Variants in NCOR2 observed in about 807,000 individuals in gnomAD.
NCOR2 encodes nuclear receptor corepressor 2, also known as CTG repeat protein 26.
NCOR2 carries 81 observed loss-of-function variants against 262.9 expected under a neutral mutation model. The ratio of observed to expected loss-of-function variants is 0.31; its 90% CI spans 0.26 to 0.37. The LOEUF (loss-of-function observed/expected upper bound fraction) is 0.37. NCOR2 is among the 10% of genes least tolerant of loss of function. NCOR2 has a pLI of 1.00. For missense variants in NCOR2, 3,385 were observed against 3,621.4 expected, an observed-to-expected ratio of 0.93 and a Z score of 1.68; for synonymous variants, 1,659 against 1,559.3, an observed-to-expected ratio of 1.06 and a Z score of -1.51.
At chr12:124,558,296 C>T (rs1052074952) in intron 1 of NCOR2, among the ~76,000 whole-genome samples, 2 of 147,242 alleles carry the variant, frequency 1.4e-5, no homozygotes, top group African/African-American at 4.9e-5. Context: ...CCAAGGTCTC[C>T]CCAGCCCCAC....
In NCOR2 at chr12:124,478,073, G is replaced by T. The variant is rs544037554; in HGVS notation, c.412-4942C>A. ...CATGGTGAGGAGGAAAAGCAGTTTGGGGCTAGAAATGCGGAGAGGAGGAGG... is the reference window on the plus strand; with the variant it reads ...CATGGTGAGGAGGAAAAGCAGTTTGTGGCTAGAAATGCGGAGAGGAGGAGG... On this transcript the variant is annotated intron_variant, in intron 3 of 46. Transcript: ENST00000405201. 2.0e-5 allele frequency among the ~76,000 whole-genome samples: 3 copies of T among 152,300 alleles called. No homozygotes were observed. In the East Asian group the frequency reaches 5.8e-4, roughly 29 times the overall value.
chr12:124,408,071 G>A (rs573757410), intron 13 of NCOR2, among the ~76,000 whole-genome samples: 3 of 152,210 alleles, frequency 2.0e-5, no homozygotes, highest in Non-Finnish European at 2.9e-5. Flanking sequence ...ATACCAAGGC[G>A]TGGCGGGGCG....
At chr12:124,450,940 T>C (rs2045484008) in intron 6 of NCOR2, among the ~76,000 whole-genome samples, 1 of 152,248 alleles carries the variant, frequency 6.6e-6, no homozygotes, top group Admixed American at 6.5e-5. Flanking sequence ...CTCAGGCTGG[T>C]ACCTGCAGGC....
chr12:124,422,559 C>T lies in NCOR2; in HGVS notation c.1329-4G>A, dbSNP rs61751356. 3.6e-3 allele frequency: 5,784 copies of T among 1,613,850 alleles called. 40 individuals are homozygous for T. Among genetic ancestry groups the T allele is most frequent in the African/African-American group, 0.026 (1,986 of 75,046 alleles). On this transcript the variant is annotated splice_polypyrimidine_tract_variant and splice_region_variant and intron_variant, in intron 11 of 46. Coordinates refer to ENST00000405201, the Ensembl canonical transcript of NCOR2. ...GTTCTTGGGATGCTGCATGAACCTG[C>T]GGGACGAGAAGGGTGGGCGTGAGAC...
At chr12:124,335,413 C>A in intron 39 of NCOR2, 70 bp downstream of exon 41, 1 of 1,544,390 alleles carries the variant, frequency 6.5e-7, no homozygotes, top group Non-Finnish European at 8.7e-7. Flanking sequence ...GTTTTCCTAT[C>A]TGCATGATGG....
chr12:124,423,786 C>G (rs942210466), intron 11 of NCOR2, among the ~76,000 whole-genome samples: 1 of 152,226 alleles, frequency 6.6e-6, no homozygotes, highest in African/African-American at 2.4e-5. Context: ...CTCACTTGCA[C>G]CCCTGGAAGA....
chr12:124,525,039 A>G (rs2050391136), intron 1 of NCOR2, among the ~76,000 whole-genome samples: 3 of 152,238 alleles, frequency 2.0e-5, no homozygotes, highest in Admixed American at 2.0e-4. Context: ...AGGGAAAGGC[A>G]AAAGTCATTA....
rs77354379 is a variant in NCOR2 at position 124,520,220 on chromosome 12, C to T, written c.-118+15345G>A. Among the ~76,000 whole-genome samples the T allele has an allele frequency of 7.9e-3, 1,197 of 152,316 alleles. 21 individuals carry two copies. Among genetic ancestry groups the T allele is most frequent in the African/African-American group, 0.028 (1,170 of 41,558 alleles). ...AGGTGGGATTCTGCTACTCTTACGC[C>T]TTCTTTTATAGGTAGGGAAACTGAG... On this transcript the variant is annotated intron_variant, in intron 1 of 46. Transcript: ENST00000404621.
chr12:124,334,551 G>A, exon 41 of NCOR2: 1 of 1,422,094 alleles, frequency 7.0e-7, no homozygotes, highest in East Asian at 2.8e-5. Context: ...AAGGAGTAGA[G>A]GGGGGCGGGC....
At chr12:124,449,791 G>C in intron 7 of NCOR2, 24 bp downstream of exon 9, 1 of 1,613,422 alleles carries the variant, frequency 6.2e-7, no homozygotes, top group East Asian at 2.2e-5. Context: ...CTGTGTGTCT[G>C]CACGGCTGCC....
chr12:124,413,317 G>A (rs962205836), intron 13 of NCOR2, among the ~76,000 whole-genome samples: 2 of 152,224 alleles, frequency 1.3e-5, no homozygotes, highest in Non-Finnish European at 2.9e-5. Context: ...GTTGAGATGG[G>A]CCAGGCGCGG....
chr12:124,439,012 G>A, intron 7 of NCOR2, among the ~76,000 whole-genome samples: 1 of 143,602 alleles, frequency 7.0e-6, no homozygotes, highest in Non-Finnish European at 1.5e-5. Flanking sequence ...CTGAGACAGA[G>A]GGAGACAGAG....
At position 124,360,456 on chromosome 12, in the gene NCOR2, G is replaced by A. The variant is rs184041446; in HGVS notation, c.3100+1670C>T. Among the ~76,000 whole-genome samples the A allele has an allele frequency of 2.4e-3, 363 of 152,326 alleles. 1 individual carries two copies. The highest frequency in any genetic ancestry group is 0.021 in the Admixed American group (325 of 15,298). ...GCCAAGAGCTGCGCTGTGACCTCCC[G>A]CTGCTGCCCTTGACTCAACAACGGC... is the stretch of plus-strand genomic sequence containing the variant. On this transcript the variant is annotated intron_variant, in intron 22 of 46. Coordinates refer to ENST00000405201, the Ensembl canonical transcript of NCOR2.
At chr12:124,347,827 T>C in exon 30 of NCOR2, 1 of 1,562,978 alleles carries the variant, frequency 6.4e-7, no homozygotes, top group Non-Finnish European at 8.7e-7. Flanking sequence ...GGCAGTACCT[T>C]GTGTGATGGA....
chr12:124,385,565 C>T (rs2040745166), intron 17 of NCOR2, among the ~76,000 whole-genome samples, 180 bp downstream of exon 19: 1 of 152,122 alleles, frequency 6.6e-6, no homozygotes, highest in African/African-American at 2.4e-5. Flanking sequence ...AGCAGCATTG[C>T]CGCCTGCAGC....
At chr12:124,458,291 G>A (rs2045985141) in intron 5 of NCOR2, among the ~76,000 whole-genome samples, 1 of 152,212 alleles carries the variant, frequency 6.6e-6, no homozygotes, top group Non-Finnish European at 1.5e-5. Context: ...GCAGGGCGGA[G>A]GTGCCCAGGC....
At chr12:124,333,510 TACAA>T (rs759386026) in intron 41 of NCOR2, among the ~76,000 whole-genome samples, 2 of 152,152 alleles carry the variant, frequency 1.3e-5, no homozygotes, top group Non-Finnish European at 2.9e-5. Flanking sequence ...TCATGAATTG[TACAA>T]ACAGAGGGCC....
intron 13 of NCOR2, among the ~76,000 whole-genome samples, chr12:124,418,731 A>T (rs1171897602): frequency 6.6e-6 from 1 of 152,166 alleles, no homozygotes; most frequent in Non-Finnish European, 1.5e-5. Context: ...TGTAGGCCAC[A>T]CGTCTGGCTT....
chr12:124,445,045 G>A lies in NCOR2; in HGVS notation c.815+4770C>T, dbSNP rs544526140. Among the ~76,000 whole-genome samples the A allele has an allele frequency of 3.3e-5, 5 of 152,186 alleles. No homozygotes were observed. The East Asian group carries it at 9.6e-4, about 29-fold the overall frequency. ...CCGGGTCTGACAGTTCCCATCAGCC[G>A]ACCCCCAAATGAGGCAGCAGGAGGG... On this transcript the variant is annotated intron_variant, in intron 7 of 46. Transcript: ENST00000405201.
Sources: gnomAD v4.1 joint callset for allele counts (sites outside exome capture counted in the v4.1 genomes callset) on GRCh38, gnomAD v4.1.1 for gene constraint, MANE v1.5 for transcripts, NCBI Gene and HGNC (gene_info 2026-07-23, HGNC 2026-07-21) for gene names.